The following UBXN11 variants were observed in gnomAD, a reference collection of about 807,000 sequenced individuals.
UBXN11 encodes UBX domain protein 11.
In UBXN11, 47 loss-of-function variants were observed where a neutral mutation model predicts 62.8. The observed-to-expected ratio is 0.75, with a 90% CI of 0.59 to 0.95. The LOEUF (loss-of-function observed/expected upper bound fraction) is 0.95, where lower values mean the gene tolerates loss of function less well. Among genes scored for constraint, UBXN11 ranks in the 40% least tolerant of loss-of-function variants. UBXN11 has a pLI of 0.00. For missense variants in UBXN11, 638 were observed against 661.7 expected (o/e 0.96, Z 0.39); for synonymous variants, 294 against 267.0 (o/e 1.10, Z -0.99).
At chr1:26,315,959 C>CTTTT (rs1415230325) in intron 1 of UBXN11, among the ~76,000 whole-genome samples, 34 of 43,830 alleles carry the variant, frequency 7.8e-4, no homozygotes, top group South Asian at 1.7e-3. Flanking sequence ...TGTTTCCTGG[C>CTTTT]CTTTTTTTTT....
At chr1:26,285,775 T>C (rs563404536) in intron 9 of UBXN11, 48 bp downstream of exon 9, 2 of 1,547,710 alleles carry the variant, frequency 1.3e-6, no homozygotes, top group South Asian at 1.2e-5. Flanking sequence ...CAACTAACAG[T>C]GGGCAGCAGG....
chr1:26,283,764 TAGG>T lies in UBXN11; in HGVS notation c.1077+375_1077+377del, dbSNP rs538319058. On this transcript the variant is annotated intron_variant, in intron 12 of 14. Transcript: ENST00000374222. ...TTGGTGCCTTTCACAGGTGGACACCTAGGAGGAGAAGCAGAATAGGGAGCGAGG... is the reference window on the plus strand; with the variant it reads ...TTGGTGCCTTTCACAGGTGGACACCTAGGAGAAGCAGAATAGGGAGCGAGG... Among the ~76,000 whole-genome samples the T allele has an allele frequency of 1.2e-4, 18 of 152,108 alleles. No individual in the cohort carries two copies. In the East Asian group the frequency reaches 3.3e-3, roughly 28 times the overall value.
chr1:26,300,239 C>A (rs758438229), intron 4 of UBXN11, among the ~76,000 whole-genome samples: 4 of 152,162 alleles, frequency 2.6e-5, no homozygotes, highest in Non-Finnish European at 5.9e-5. Context: ...CAGGGGCCCT[C>A]CACCGAGGAG....
At chr1:26,287,524 C>T (rs897769084) in intron 8 of UBXN11, among the ~76,000 whole-genome samples, 1 of 151,966 alleles carries the variant, frequency 6.6e-6, no homozygotes, top group African/African-American at 2.4e-5. Flanking sequence ...CTTTTGGGGC[C>T]TCAGAGAGGC....
At chr1:26,309,225 G>GTA (rs2073714371), upstream of UBXN11, among the ~76,000 whole-genome samples, 1 of 144,058 alleles carries the variant, frequency 6.9e-6, no homozygotes, top group Non-Finnish European at 1.5e-5. Flanking sequence ...GAGCCACTGC[G>GTA]CCCTGTCCCG....
At chr1:26,287,781 C>G (rs2073165576) in intron 8 of UBXN11, among the ~76,000 whole-genome samples, 1 of 152,128 alleles carries the variant, frequency 6.6e-6, no homozygotes, top group Admixed American at 6.6e-5. Flanking sequence ...CTGAGATTCC[C>G]AGGAAAAACT....
chr1:26,297,605 C>T (rs1275300072), intron 5 of UBXN11, 124 bp from the exon 6 acceptor site: 10 of 1,186,700 alleles, frequency 8.4e-6, no homozygotes, highest in Admixed American at 3.0e-5. Context: ...CACCCTTTGG[C>T]ACAGCCACTT....
chr1:26,314,253 A>G (rs2073770149), intron 1 of UBXN11, among the ~76,000 whole-genome samples: 1 of 152,084 alleles, frequency 6.6e-6, no homozygotes, highest in African/African-American at 2.4e-5. Flanking sequence ...TGTTGTCTTC[A>G]ATTTCTTTGA....
chr1:26,316,690 G>GGAGC (rs2073798467), intron 1 of UBXN11, among the ~76,000 whole-genome samples: 2 of 152,050 alleles, frequency 1.3e-5, no homozygotes, highest in African/African-American at 4.8e-5. Flanking sequence ...CATAACACCT[G>GGAGC]CTGCAGGGCA....
At chr1:26,285,373 TTC>T (rs776782316) in intron 10 of UBXN11, 89 bp downstream of exon 10, 573 of 1,555,320 alleles carry the variant, frequency 3.7e-4, no homozygotes, top group Non-Finnish European at 4.8e-4. Flanking sequence ...GTGCAGCGGC[TTC>T]CCCTCAGAAT....
chr1:26,303,611 C>T (rs2073591238), intron 1 of UBXN11, among the ~76,000 whole-genome samples: 1 of 104,004 alleles, frequency 9.6e-6, no homozygotes, highest in African/African-American at 4.0e-5. Flanking sequence ...ACCTGGGCAA[C>T]AAGAGCGAAA....
intron 2 of UBXN11, 97 bp from the exon 3 acceptor site, chr1:26,301,819 CAA>C: frequency 6.6e-7 from 1 of 1,522,834 alleles, no homozygotes; most frequent in Non-Finnish European, 9.0e-7. Context: ...AGCCAAAGCT[CAA>C]AGAGATGGAA....
upstream of UBXN11, among the ~76,000 whole-genome samples, chr1:26,309,259 T>TTTTTTTA (rs2073715117): frequency 2.1e-5 from 3 of 141,202 alleles, no homozygotes; most frequent in African/African-American, 8.0e-5. Context: ...TTTTTTTTTT[T>TTTTTTTA]GAGACAGAGT....
chr1:26,285,568 G>T lies in UBXN11; in HGVS notation c.775-27C>A, dbSNP rs374246364. 7.1e-6 allele frequency: 11 copies of T among 1,538,712 alleles called. No individual in the cohort carries two copies. The South Asian group carries it at 1.2e-4, about 17-fold the overall frequency. ...TGCAAGGGAAGAGGAAAAGTGAGGG[G>T]GTGGCCTGGGCCTTGGGCCCACCCT... On this transcript the variant is annotated intron_variant, in intron 9 of 14. Transcript: ENST00000374222.
At chr1:26,315,875 GT>G (rs2073785700) in intron 1 of UBXN11, among the ~76,000 whole-genome samples, 1 of 151,640 alleles carries the variant, frequency 6.6e-6, no homozygotes, top group South Asian at 2.1e-4. Flanking sequence ...GGCCAGGCTG[GT>G]CTAGAACTCC....
intron 12 of UBXN11, 141 bp from the exon 13 acceptor site, chr1:26,283,078 G>A: frequency 9.2e-7 from 1 of 1,081,894 alleles, no homozygotes; most frequent in Admixed American, 2.2e-5. Flanking sequence ...ATAAACCAAG[G>A]CCAGAGGAGA....
At chr1:26,310,727 TA>T (rs71004584), upstream of UBXN11, among the ~76,000 whole-genome samples, 90 of 122,182 alleles carry the variant, frequency 7.4e-4, no homozygotes, top group South Asian at 3.5e-3. Context: ...GACTCTGTCT[TA>T]AAAAAAAAAA....
intron 4 of UBXN11, among the ~76,000 whole-genome samples, chr1:26,299,976 C>A (rs1369447399): frequency 6.6e-6 from 1 of 151,838 alleles, no homozygotes; most frequent in African/African-American, 2.4e-5. Flanking sequence ...GCCTGGATGA[C>A]AGAGCAAAAC....
At chr1:26,317,220 T>C (rs923663790) in intron 1 of UBXN11, among the ~76,000 whole-genome samples, 4 of 151,460 alleles carry the variant, frequency 2.6e-5, no homozygotes, top group African/African-American at 7.3e-5. Context: ...AGCAAAACTC[T>C]GTTTAAAAAA....
Sources: gnomAD v4.1 joint callset for allele counts (sites outside exome capture counted in the v4.1 genomes callset) on GRCh38, gnomAD v4.1.1 for gene constraint, MANE v1.5 for transcripts, NCBI Gene and HGNC (gene_info 2026-07-23, HGNC 2026-07-21) for gene names.